UBE2E3: variants seen among roughly 807,000 people sequenced by gnomAD.
The protein encoded by UBE2E3 is ubiquitin-conjugating enzyme E2 E3.
A neutral mutation model predicts 23.6 loss-of-function variants in UBE2E3; 5 were observed. The ratio of observed to expected loss-of-function variants is 0.21; its 90% confidence interval spans 0.11 to 0.44. UBE2E3 has a LOEUF of 0.44. Ranked by LOEUF, UBE2E3 falls within the 20% of genes least tolerant of loss-of-function variation. The pLI is 0.99. For missense variants in UBE2E3, 81 were observed against 249.8 expected, an observed-to-expected ratio of 0.32 and a Z score of 4.55; for synonymous variants, 78 against 87.5, an observed-to-expected ratio of 0.89 and a Z score of 0.60.
chr2:181,005,686 A>G (rs771843775), intron 3 of UBE2E3, among the ~76,000 whole-genome samples: 11 of 152,118 alleles, frequency 7.2e-5, no homozygotes, highest in Non-Finnish European at 1.3e-4. Flanking sequence ...CCTGTTATCT[A>G]TTGAATAATT....
chr2:181,012,016 A>C (rs1252175980), intron 3 of UBE2E3, among the ~76,000 whole-genome samples: 1 of 152,158 alleles, frequency 6.6e-6, no homozygotes, highest in Admixed American at 6.6e-5. Flanking sequence ...TTTTATGTGG[A>C]AGCATAGCTC....
At chr2:181,056,158 A>C (rs1404388294) in intron 3 of UBE2E3, among the ~76,000 whole-genome samples, 13 of 151,680 alleles carry the variant, frequency 8.6e-5, no homozygotes, top group Admixed American at 8.6e-4. Flanking sequence ...CATCAGCCAA[A>C]TCTGCAATAA....
At chr2:181,023,363 A>G (rs1308905305) in intron 3 of UBE2E3, among the ~76,000 whole-genome samples, 1 of 152,234 alleles carries the variant, frequency 6.6e-6, no homozygotes, top group East Asian at 1.9e-4. Context: ...AGTAAATAGA[A>G]CATCCTCTAC....
chr2:180,986,372 T>C (rs1016489394), intron 3 of UBE2E3, among the ~76,000 whole-genome samples: 1 of 152,152 alleles, frequency 6.6e-6, no homozygotes, highest in African/African-American at 2.4e-5. Flanking sequence ...CTTCAAATTC[T>C]TGTGGGTGGA....
intron 3 of UBE2E3, among the ~76,000 whole-genome samples, chr2:181,043,278 T>C (rs1018691807): frequency 6.6e-6 from 1 of 152,222 alleles, no homozygotes; most frequent in Non-Finnish European, 1.5e-5. Flanking sequence ...AGAAAATGAA[T>C]GCTTACTAGT....
intron 3 of UBE2E3, among the ~76,000 whole-genome samples, chr2:181,043,693 T>TG (rs1686583008): frequency 9.2e-5 from 14 of 152,022 alleles, no homozygotes; most frequent in Non-Finnish European, 2.9e-5. Flanking sequence ...ACATAATCAA[T>TG]GTTATTTCCA....
rs964534839 is a variant in UBE2E3 at position 180,981,904 on chromosome 2, C to T, written c.-25-114C>T. 19 of 755,534 alleles carry T rather than the reference C, an allele frequency of 2.5e-5. No homozygotes were observed. In the African/African-American group the frequency reaches 2.8e-4, roughly 11 times the overall value. 46.8% of individuals were successfully genotyped at this position (755,534 alleles called of 1,614,324 possible). On this transcript the variant is annotated intron_variant, in intron 1 of 5. Transcript: ENST00000410062. Reference sequence around the variant, plus strand: ...TGTTGTACGATGAAATAAGTGTGAACACTTTTGAAGCTTTTTCATTACAAG... The same window carrying T: ...TGTTGTACGATGAAATAAGTGTGAATACTTTTGAAGCTTTTTCATTACAAG...
chr2:180,986,654 A>T (rs1452236811), intron 3 of UBE2E3, among the ~76,000 whole-genome samples: 1 of 152,132 alleles, frequency 6.6e-6, no homozygotes, highest in African/African-American at 2.4e-5. Flanking sequence ...ATGTGAATTC[A>T]TATTGCCTGA....
At chr2:181,057,182 G>A (rs1478861580) in intron 3 of UBE2E3, among the ~76,000 whole-genome samples, 1 of 151,680 alleles carries the variant, frequency 6.6e-6, no homozygotes, top group African/African-American at 2.4e-5. Flanking sequence ...TTTTTAAAAG[G>A]GTATTACCGA....
At chr2:181,059,630 C>G (rs529773452) in intron 4 of UBE2E3, among the ~76,000 whole-genome samples, 6 of 151,522 alleles carry the variant, frequency 4.0e-5, no homozygotes, top group African/African-American at 1.5e-4. Context: ...TCTTTGAAAT[C>G]TGGTATTTAT....
At chr2:180,994,158 A>G (rs982948125) in intron 3 of UBE2E3, among the ~76,000 whole-genome samples, 1 of 152,174 alleles carries the variant, frequency 6.6e-6, no homozygotes, top group African/African-American at 2.4e-5. Flanking sequence ...GGTGCTTACT[A>G]TCCACATTTC....
intron 3 of UBE2E3, chr2:180,989,781 A>G: frequency 7.9e-7 from 1 of 1,265,798 alleles, no homozygotes; most frequent in Non-Finnish European, 1.0e-6. Context: ...TCGCAGCTAC[A>G]TGCTCACATA....
At chr2:180,998,072 GA>G (rs1684881104) in intron 3 of UBE2E3, among the ~76,000 whole-genome samples, 1 of 152,102 alleles carries the variant, frequency 6.6e-6, no homozygotes, top group African/African-American at 2.4e-5. Context: ...TAACTTAGTT[GA>G]AAGTAGTTCT....
intron 3 of UBE2E3, among the ~76,000 whole-genome samples, chr2:181,053,928 T>C (rs1261600698): frequency 6.6e-6 from 1 of 151,874 alleles, no homozygotes; most frequent in East Asian, 1.9e-4. Flanking sequence ...GAATGTCATA[T>C]AGATGGAGTC....
At chr2:180,983,345 G>A (rs1395898461) in intron 2 of UBE2E3, among the ~76,000 whole-genome samples, 1 of 152,118 alleles carries the variant, frequency 6.6e-6, no homozygotes, top group African/African-American at 2.4e-5. Flanking sequence ...TGTTGATGCG[G>A]AACATATTAG....
In UBE2E3 at chr2:181,038,019, A is replaced by C. The variant is rs543404583; in HGVS notation, c.246-19674A>C. On this transcript the variant is annotated intron_variant, in intron 3 of 5. Transcript: ENST00000410062. ...GCTAAAGTTAATTTATTATTGTGGA[A>C]GAAAAGTATTTTTGTATAAATTTAG... Among the ~76,000 whole-genome samples, 14 of 152,314 alleles carry C rather than the reference A, an allele frequency of 9.2e-5. No homozygotes were observed. The South Asian group carries it at 2.1e-3, about 23-fold the overall frequency.
chr2:180,982,397 A>T (rs1437360594), intron 2 of UBE2E3, among the ~76,000 whole-genome samples, 161 bp downstream of exon 2: 1 of 152,234 alleles, frequency 6.6e-6, no homozygotes, highest in Admixed American at 6.5e-5. Context: ...GTGGTATGTA[A>T]GCAACATTAC....
At chr2:181,037,881 C>T (rs1686350708) in intron 3 of UBE2E3, among the ~76,000 whole-genome samples, 1 of 152,034 alleles carries the variant, frequency 6.6e-6, no homozygotes, top group Non-Finnish European at 1.5e-5. Flanking sequence ...GGTGGGAGGA[C>T]CACTTGAGCC....
At chr2:181,019,194 A>G (rs1254121925) in intron 3 of UBE2E3, among the ~76,000 whole-genome samples, 7 of 152,160 alleles carry the variant, frequency 4.6e-5, no homozygotes, top group African/African-American at 1.4e-4. Context: ...TCCTGACCTC[A>G]AGGGATCCAC....
Sources: allele counts gnomAD v4.1 joint callset (sites outside exome capture counted in the v4.1 genomes callset), GRCh38; gene constraint gnomAD v4.1.1; transcripts MANE v1.5; gene names NCBI Gene and HGNC (gene_info 2026-07-23, HGNC 2026-07-21).